GRIK2: variants seen among roughly 807,000 people sequenced by gnomAD.
GRIK2 encodes the protein glutamate ionotropic receptor kainate type subunit 2.
GRIK2 carries 32 observed loss-of-function variants against 100.3 expected under a neutral mutation model. That is an observed-to-expected ratio of 0.32 (90% CI 0.24 to 0.43). The LOEUF is 0.43. GRIK2 is among the 20% of genes least tolerant of loss of function. GRIK2 has a pLI of 1.00. For missense variants in GRIK2, 843 were observed against 1,114.9 expected, an observed-to-expected ratio of 0.76 and a Z score of 3.47; for synonymous variants, 417 against 389.4, an observed-to-expected ratio of 1.07 and a Z score of -0.83.
intron 7 of GRIK2, among the ~76,000 whole-genome samples, chr6:101,785,465 C>A (rs1779363486): frequency 6.6e-6 from 1 of 152,090 alleles, no homozygotes; most frequent in African/African-American, 2.4e-5. Flanking sequence ...ATATTTAAGA[C>A]TTTAATTCAT....
intron 2 of GRIK2, among the ~76,000 whole-genome samples, chr6:101,450,269 A>G (rs929672879): frequency 6.6e-6 from 1 of 151,762 alleles, no homozygotes; most frequent in South Asian, 2.1e-4. Flanking sequence ...ATTTAATAAT[A>G]GACAGTGACT....
At chr6:101,876,009 T>TTG (rs3054436) in intron 11 of GRIK2, among the ~76,000 whole-genome samples, 18,818 of 148,848 alleles carry the variant, frequency 0.13, 1,891 homozygotes, top group East Asian at 0.52. Flanking sequence ...GTTTATGTGT[T>TTG]TGTGTGTGTG....
chr6:101,583,598 G>A (rs1339444836), intron 2 of GRIK2, among the ~76,000 whole-genome samples: 1 of 151,878 alleles, frequency 6.6e-6, no homozygotes, highest in Non-Finnish European at 1.5e-5. Context: ...GTTTTCTAAG[G>A]CCCTATATAG....
intron 15 of GRIK2, among the ~76,000 whole-genome samples, chr6:102,053,685 T>A (rs1212000395): frequency 1.3e-5 from 2 of 152,290 alleles, no homozygotes; most frequent in East Asian, 3.9e-4. Flanking sequence ...AGCACATGCA[T>A]CTTTCTATAT....
chr6:101,981,597 A>G (rs987911441), intron 14 of GRIK2, among the ~76,000 whole-genome samples: 1 of 151,906 alleles, frequency 6.6e-6, no homozygotes, highest in East Asian at 1.9e-4. Context: ...GAAAGTTAGT[A>G]CAACGATGAC....
chr6:101,584,727 C>A (rs1778269657), intron 2 of GRIK2, among the ~76,000 whole-genome samples: 1 of 151,882 alleles, frequency 6.6e-6, no homozygotes, highest in Admixed American at 6.6e-5. Flanking sequence ...TTATAATATA[C>A]CTAGAAAACT....
At chr6:101,545,490 A>G (rs148056486) in intron 2 of GRIK2, among the ~76,000 whole-genome samples, 114 of 152,302 alleles carry the variant, frequency 7.5e-4, no homozygotes, top group African/African-American at 2.7e-3. Context: ...TGCATAATAC[A>G]GAGAGTTTTT....
intron 2 of GRIK2, among the ~76,000 whole-genome samples, chr6:101,453,559 A>C (rs1770830787): frequency 6.6e-6 from 1 of 152,040 alleles, no homozygotes; most frequent in Non-Finnish European, 1.5e-5. Context: ...GAACTGTCAG[A>C]AATATACTTT....
chr6:102,001,301 C>T (rs777182140), intron 14 of GRIK2, among the ~76,000 whole-genome samples: 3 of 151,438 alleles, frequency 2.0e-5, no homozygotes, highest in Non-Finnish European at 4.4e-5. Flanking sequence ...AACCTGTCAT[C>T]TAGGTTTTAA....
At chr6:101,576,468 T>C (rs1177675462) in intron 2 of GRIK2, among the ~76,000 whole-genome samples, 1 of 152,084 alleles carries the variant, frequency 6.6e-6, no homozygotes, top group African/African-American at 2.4e-5. Flanking sequence ...CAATATTCTT[T>C]TTTTTCCTTT....
intron 15 of GRIK2, among the ~76,000 whole-genome samples, chr6:102,037,637 A>G (rs1770341991): frequency 6.6e-6 from 1 of 151,346 alleles, no homozygotes; most frequent in Admixed American, 6.6e-5. Flanking sequence ...AATATACTAT[A>G]AATGTATTAA....
intron 4 of GRIK2, among the ~76,000 whole-genome samples, chr6:101,634,580 A>G (rs1341478781): frequency 6.6e-6 from 1 of 152,138 alleles, no homozygotes; most frequent in African/African-American, 2.4e-5. Flanking sequence ...GGAAATGAAG[A>G]AAATCAACAA....
Position 101,905,857 on chromosome 6 carries a change from A to T in GRIK2, c.1748+15994A>T, listed in dbSNP as rs959972684. On this transcript the variant is annotated intron_variant, in intron 12 of 16. Transcript: ENST00000369134. ...ACTATACCTACTCTTTCAGAAATAA[A>T]AAATGGAATTTTTATTTATTGTTTG... Among the ~76,000 whole-genome samples, 2 of 151,490 alleles carry T rather than the reference A, an allele frequency of 1.3e-5. 1 individual carries two copies. Among genetic ancestry groups the T allele is most frequent in the African/African-American group, 4.8e-5 (2 of 41,382 alleles).
At chr6:101,426,380 A>C (rs1204258589) in intron 2 of GRIK2, among the ~76,000 whole-genome samples, 1 of 152,100 alleles carries the variant, frequency 6.6e-6, no homozygotes, top group Non-Finnish European at 1.5e-5. Flanking sequence ...ATAAATTCTT[A>C]ATTATAGTCA....
intron 14 of GRIK2, among the ~76,000 whole-genome samples, chr6:101,931,664 C>CT (rs35361988): frequency 0.94 from 142,490 of 152,042 alleles, 66,813 homozygotes; most frequent in Middle Eastern, 0.97. Flanking sequence ...ATTCTTCCTT[C>CT]TTTTTTCTAT....
chr6:101,995,088 C>T (rs1240558268), intron 14 of GRIK2, among the ~76,000 whole-genome samples: 1 of 151,796 alleles, frequency 6.6e-6, no homozygotes, highest in Admixed American at 6.6e-5. Context: ...TGAGTGTTGT[C>T]TACACAAATT....
At chr6:101,578,892 A>G (rs971705996) in intron 2 of GRIK2, among the ~76,000 whole-genome samples, 5 of 152,196 alleles carry the variant, frequency 3.3e-5, no homozygotes, top group African/African-American at 9.7e-5. Flanking sequence ...ACAGTTTTCA[A>G]AAGCAATTCT....
chr6:101,573,948 A>G (rs1777674686), intron 2 of GRIK2, among the ~76,000 whole-genome samples: 1 of 152,020 alleles, frequency 6.6e-6, no homozygotes, highest in Non-Finnish European at 1.5e-5. Flanking sequence ...AACTCTAACT[A>G]GACTTGATGT....
At chr6:101,621,345 G>C (rs564593102) in intron 2 of GRIK2, among the ~76,000 whole-genome samples, 2 of 151,974 alleles carry the variant, frequency 1.3e-5, no homozygotes, top group African/African-American at 4.8e-5. Context: ...CTCAACTACT[G>C]GGGAGGCTGA....
Sources: allele counts gnomAD v4.1 joint callset (sites outside exome capture counted in the v4.1 genomes callset), GRCh38; gene constraint gnomAD v4.1.1; transcripts MANE v1.5; gene names NCBI Gene and HGNC (gene_info 2026-07-23, HGNC 2026-07-21).